POLR1D: variants seen among roughly 807,000 people sequenced by gnomAD.
POLR1D encodes the protein RNA polymerase I and III subunit D, also known as DNA-directed RNA polymerases I and III subunit RPAC2.
POLR1D carries 8 observed loss-of-function variants against 10.8 expected under a neutral mutation model. The observed-to-expected ratio is 0.74, with a 90% CI of 0.43 to 1.33. POLR1D has a LOEUF of 1.33. POLR1D is among the 40% of genes most tolerant of loss of function. The pLI, the probability that POLR1D is intolerant of heterozygous loss-of-function variation, is 0.01. For missense variants in POLR1D, 152 were observed against 161.7 expected (o/e 0.94, Z 0.32); for synonymous variants, 54 against 57.2 (o/e 0.94, Z 0.25).
At chr13:27,627,727 GTTT>G (rs57621806), downstream of POLR1D, among the ~76,000 whole-genome samples, 2 of 95,422 alleles carry the variant, frequency 2.1e-5, no homozygotes, top group Admixed American at 2.4e-4. Context: ...TAAAGTTTTA[GTTT>G]TTTTTTTTTT....
At chr13:27,644,035 A>G (rs1330852612) in intron 1 of POLR1D, among the ~76,000 whole-genome samples, 1 of 152,164 alleles carries the variant, frequency 6.6e-6, no homozygotes, top group Non-Finnish European at 1.5e-5. Flanking sequence ...ACTGAGAGAG[A>G]CACAAATGAG....
intron 1 of POLR1D, among the ~76,000 whole-genome samples, chr13:27,631,427 A>G (rs1246463393): frequency 6.6e-6 from 1 of 152,140 alleles, no homozygotes; most frequent in Non-Finnish European, 1.5e-5. Flanking sequence ...TGTTGGTTAG[A>G]CATGAGTCAG....
In POLR1D at chr13:27,665,684, A is replaced by G. The variant is rs752675114; in HGVS notation, c.102-2A>G. 6.2e-7 allele frequency: 1 copy of G among 1,613,738 alleles called. No individual in the cohort carries two copies. Among genetic ancestry groups the G allele is most frequent in the Admixed American group, 1.7e-5 (1 of 60,024 alleles). On this transcript the variant is annotated splice_acceptor_variant, in intron 2 of 2. Coordinates refer to the POLR1D transcript ENST00000399697. LOFTEE classifies it high-confidence loss of function. ...GTTTTTCTTTTCTCCTCCCCACCCC[A>G]GGATGAAGTGTCCTCTTGCTAGCAC...
chr13:27,661,436 G>C (rs968346147), intron 2 of POLR1D, among the ~76,000 whole-genome samples: 1 of 152,070 alleles, frequency 6.6e-6, no homozygotes, highest in Non-Finnish European at 1.5e-5. Context: ...TGAGAAAGTC[G>C]CCCCCCAGGT....
exon 3 of POLR1D, chr13:27,665,890 T>C: frequency 2.5e-6 from 4 of 1,614,058 alleles, no homozygotes; most frequent in Non-Finnish European, 3.4e-6. Context: ...GTTCCGCCAG[T>C]TACTCCCCGC....
chr13:27,628,283 C>A (rs1956037594), downstream of POLR1D, among the ~76,000 whole-genome samples: 1 of 152,200 alleles, frequency 6.6e-6, no homozygotes, highest in African/African-American at 2.4e-5. Context: ...TTAATTGGCT[C>A]TGTAAATATT....
intron 1 of POLR1D, among the ~76,000 whole-genome samples, chr13:27,631,927 T>C (rs1223773281): frequency 6.6e-6 from 1 of 150,558 alleles, no homozygotes; most frequent in African/African-American, 2.4e-5. Context: ...GTAACAAGCT[T>C]CAAGAAGACA....
chr13:27,645,426 C>A (rs1361891711), intron 1 of POLR1D, among the ~76,000 whole-genome samples: 3 of 152,120 alleles, frequency 2.0e-5, no homozygotes, highest in African/African-American at 7.2e-5. Flanking sequence ...CCTCATTGCC[C>A]TTCTCCTTGA....
chr13:27,633,013 G>A (rs1173339607), intron 1 of POLR1D, among the ~76,000 whole-genome samples: 1 of 152,200 alleles, frequency 6.6e-6, no homozygotes, highest in Admixed American at 6.5e-5. Context: ...TTGTGGTTGT[G>A]TGTCTTCAAC....
intron 2 of POLR1D, among the ~76,000 whole-genome samples, chr13:27,653,094 G>C: frequency 6.6e-6 from 1 of 151,524 alleles, no homozygotes; most frequent in East Asian, 2.0e-4. Flanking sequence ...GTAGAGATCG[G>C]GTTTCACCAT....
chr13:27,634,996 A>G (rs1404726461), intron 1 of POLR1D, among the ~76,000 whole-genome samples: 1 of 152,052 alleles, frequency 6.6e-6, no homozygotes, highest in Non-Finnish European at 1.5e-5. Flanking sequence ...AATGGGCGTG[A>G]TGTTGTCGAT....
chr13:27,649,895 T>G (rs1186993755), intron 2 of POLR1D: 2 of 394,070 alleles, frequency 5.1e-6, no homozygotes, highest in Non-Finnish European at 8.9e-6. Flanking sequence ...AACTGCAAAA[T>G]TAGAGGTCAC....
intron 2 of POLR1D, chr13:27,665,590 G>A (rs1956407664): frequency 9.0e-7 from 1 of 1,111,066 alleles, no homozygotes; most frequent in Non-Finnish European, 1.4e-6. Context: ...GATTCTGTGG[G>A]AGCAGGATTC....
In POLR1D at chr13:27,663,922, T is replaced by C. The variant is rs1956389920; in HGVS notation, c.102-1764T>C. On this transcript the variant is annotated intron_variant, in intron 2 of 2. Transcript: ENST00000399697. This position sits in a 1 kb window ranked among gnomAD's most constrained non-coding sequence, Gnocchi z 4.1. ...TCTTGTAGTAAGCACCAGGCCACCA[T>C]TGCCAAAGACAGGCCCTCTAAGCTT... Among the ~76,000 whole-genome samples the C allele has an allele frequency of 1.3e-5, 2 of 152,214 alleles. No homozygotes were observed. Among genetic ancestry groups the C allele is most frequent in the African/African-American group, 4.8e-5 (2 of 41,458 alleles).
At chr13:27,621,790 G>A, upstream of POLR1D, 1 of 473,396 alleles carries the variant, frequency 2.1e-6, no homozygotes, top group South Asian at 3.7e-5. Flanking sequence ...TCGGGGCGGG[G>A]GCTGGGGGTG....
exon 3 of POLR1D, chr13:27,665,962 C>T: frequency 1.2e-6 from 2 of 1,613,420 alleles, no homozygotes; most frequent in East Asian, 2.2e-5. Context: ...GAGGCTGGAA[C>T]CAGGGCCAGC....
rs1956384998 is a variant in POLR1D, at chr13:27,663,477, G to C, written c.102-2209G>C. On this transcript the variant is annotated intron_variant, in intron 2 of 2. Transcript: ENST00000399697. This position sits in a 1 kb window ranked among gnomAD's most constrained non-coding sequence, Gnocchi z 4.1. ...ATTCTATAAAACCATCTCATTCTCTGGCTAACTCTTTGGGTCACTATGTTG... is the reference window on the plus strand; with the variant it reads ...ATTCTATAAAACCATCTCATTCTCTCGCTAACTCTTTGGGTCACTATGTTG... 6.6e-6 allele frequency among the ~76,000 whole-genome samples: 1 copy of C among 152,282 alleles called. No homozygotes were observed. Among genetic ancestry groups the C allele is most frequent in the African/African-American group, 2.4e-5 (1 of 41,552 alleles).
downstream of POLR1D, chr13:27,623,538 CTG>C (rs1955975479): frequency 2.7e-6 from 1 of 369,924 alleles, no homozygotes; most frequent in Non-Finnish European, 4.9e-6. Context: ...AATGAGGAAA[CTG>C]AGAATATCAG....
intron 2 of POLR1D, among the ~76,000 whole-genome samples, chr13:27,654,615 T>C (rs543532486): frequency 1.3e-5 from 2 of 152,346 alleles, no homozygotes; most frequent in South Asian, 4.1e-4. Context: ...GTCACACAAG[T>C]ACTTTTCCTT....
Sources: allele counts gnomAD v4.1 joint callset (sites outside exome capture counted in the v4.1 genomes callset), GRCh38; gene constraint gnomAD v4.1.1; non-coding constraint Gnocchi (gnomAD v3.1); transcripts MANE v1.5; gene names NCBI Gene and HGNC (gene_info 2026-07-23, HGNC 2026-07-21).